The following PRR5 variants were observed in gnomAD, a reference collection of about 807,000 sequenced individuals.
PRR5 encodes proline rich 5.
Under a neutral mutation model 30.6 loss-of-function variants are expected in PRR5, and 25 were observed. That is an observed-to-expected ratio of 0.82 (90% CI 0.60 to 1.14). The LOEUF (loss-of-function observed/expected upper bound fraction) is 1.14. Among genes scored for constraint, PRR5 ranks in the 50% most tolerant of loss-of-function variants. The probability of loss-of-function intolerance (pLI) is 0.00; values close to 1 mark genes in which losing one functional copy is unlikely to be tolerated. For missense variants in PRR5, 600 were observed against 547.1 expected (o/e 1.10, Z -0.96); for synonymous variants, 286 against 247.1 (o/e 1.16, Z -1.48).
At chr22:44,694,726 G>A (rs1925593968) in intron 1 of PRR5, among the ~76,000 whole-genome samples, 1 of 152,154 alleles carries the variant, frequency 6.6e-6, no homozygotes, top group African/African-American at 2.4e-5. Flanking sequence ...ATAGCTGCCT[G>A]CCTTGGAGTG....
chr22:44,684,048 C>T (rs879664338), intron 1 of PRR5, among the ~76,000 whole-genome samples: 1 of 152,186 alleles, frequency 6.6e-6, no homozygotes, highest in Non-Finnish European at 1.5e-5. Context: ...GTGTCGAAAC[C>T]AGGACTTCCA....
At chr22:44,732,220 G>A in intron 5 of PRR5, 31 bp from the exon 6 acceptor site, 1 of 1,606,796 alleles carries the variant, frequency 6.2e-7, no homozygotes, top group Non-Finnish European at 8.5e-7. Flanking sequence ...TGTGACCACA[G>A]CCGGTGGGGT....
At chr22:44,706,631 C>T (rs535925305) in intron 1 of PRR5, among the ~76,000 whole-genome samples, 70 of 152,282 alleles carry the variant, frequency 4.6e-4, no homozygotes, top group African/African-American at 1.4e-3. Flanking sequence ...CAGGCTCCAG[C>T]GATCCTCCCA....
At chr22:44,684,627 C>T (rs890417136) in intron 1 of PRR5, among the ~76,000 whole-genome samples, 8 of 152,240 alleles carry the variant, frequency 5.3e-5, no homozygotes, top group African/African-American at 1.7e-4. Flanking sequence ...CTCCTACCCG[C>T]GGTCCAACTG....
At chr22:44,733,212 G>A (rs574474012) in intron 6 of PRR5, among the ~76,000 whole-genome samples, 22 of 152,332 alleles carry the variant, frequency 1.4e-4, no homozygotes, top group East Asian at 7.7e-4. Flanking sequence ...GGCATCCACC[G>A]CAAGCCAGGG....
intron 1 of PRR5, among the ~76,000 whole-genome samples, chr22:44,695,815 G>C (rs1466279341): frequency 6.6e-6 from 1 of 151,522 alleles, no homozygotes; most frequent in East Asian, 1.9e-4. Flanking sequence ...TGACTAGGCT[G>C]GTCTCGAACC....
intron 1 of PRR5, among the ~76,000 whole-genome samples, chr22:44,694,685 A>G (rs9614560): frequency 0.093 from 14,159 of 152,188 alleles, 768 homozygotes; most frequent in Middle Eastern, 0.16. Context: ...CAGAGCCCCA[A>G]CTAACCCACC....
At position 44,691,477 on chromosome 22, in the gene PRR5, TGTGAAGA is replaced by T. The variant is rs910108624; in HGVS notation, c.-10-11012_-10-11006del. On this transcript the variant is annotated intron_variant, in intron 1 of 8. Transcript: ENST00000006251. The surrounding 1 kb of genome is among the most constrained non-coding windows in gnomAD (Gnocchi z 4.4). ...GCCTGGAGCTGACTCCTCCTGCCCC[TGTGAAGA>T]GTTGGGGCCCCTCCAGCGCCCCTGC... is the stretch of plus-strand genomic sequence containing the variant. Among the ~76,000 whole-genome samples, 345 of 152,156 alleles carry T rather than the reference TGTGAAGA, an allele frequency of 2.3e-3. 1 individual carries two copies. Among genetic ancestry groups the T allele is most frequent in the Non-Finnish European group, 1.9e-3 (129 of 67,968 alleles).
intron 1 of PRR5, chr22:44,679,832 C>G (rs963903734): frequency 7.5e-6 from 12 of 1,599,082 alleles, no homozygotes; most frequent in Middle Eastern, 1.7e-4. Flanking sequence ...AGAGGGAAGC[C>G]TGGGGCTCGG....
chr22:44,731,885 C>T, intron 5 of PRR5, 64 bp downstream of exon 5: 1 of 1,531,142 alleles, frequency 6.5e-7, no homozygotes, highest in Non-Finnish European at 8.9e-7. Flanking sequence ...TGGCCTCACT[C>T]TACAGAGGGG....
At position 44,691,774 on chromosome 22, in the gene PRR5, CA is replaced by C. The variant is rs888883684; in HGVS notation, c.-10-10707del. Reference sequence around the variant, plus strand: ...GCGCGACGGGAGCAAGACTCCATCTCAAAAAAAAAAAGACACTGAAATCCAC... The same window carrying C: ...GCGCGACGGGAGCAAGACTCCATCTCAAAAAAAAAAGACACTGAAATCCAC... On this transcript the variant is annotated intron_variant, in intron 1 of 8. Transcript: ENST00000006251. This position sits in a 1 kb window ranked among gnomAD's most constrained non-coding sequence, Gnocchi z 4.4. Among the ~76,000 whole-genome samples the C allele has an allele frequency of 9.8e-4, 141 of 144,194 alleles. No homozygotes were observed. In the South Asian group the frequency reaches 0.012, roughly 13 times the overall value. 94.6% of individuals were successfully genotyped at this position (144,194 alleles called of 152,430 possible).
intron 3 of PRR5, 110 bp from the exon 4 acceptor site, chr22:44,726,467 C>G (rs1349703319): frequency 3.1e-5 from 47 of 1,510,112 alleles, no homozygotes; most frequent in African/African-American, 4.1e-5. Flanking sequence ...GTCTCCTCCC[C>G]CTTTAAGCCT....
rs747288609 is a variant in PRR5, at chr22:44,737,029, C to A, written c.949C>A (p.Pro317Thr). ...FRSSPAPHSG[P>T]CPSRLYPTTQ... ...GTCCTCCCCGGCGCCCCACTCAGGG[C>A]CCTGCCCCAGCAGACTGTACCCCAC... Residue 317 changes from proline to threonine, a missense_variant, in exon 8 of 8, where the codon CCC (proline) becomes ACC (threonine). Coordinates refer to ENST00000336985, the MANE Select transcript of PRR5 (RefSeq NM_181333.4). 8.7e-6 allele frequency: 14 copies of A among 1,602,610 alleles called. No individual in the cohort carries two copies. In the African/African-American group the frequency reaches 1.9e-4, roughly 21 times the overall value.
intron 1 of PRR5, among the ~76,000 whole-genome samples, chr22:44,669,722 C>T (rs1923313461): frequency 6.6e-6 from 1 of 152,224 alleles, no homozygotes; most frequent in Admixed American, 6.5e-5. Flanking sequence ...AAGCGGCCTC[C>T]ACTTCCCTAC....
upstream of PRR5, among the ~76,000 whole-genome samples, chr22:44,676,261 T>C (rs1435898421): frequency 6.6e-6 from 1 of 150,908 alleles, no homozygotes; most frequent in Admixed American, 6.6e-5. Context: ...CATGGTGGCA[T>C]GCACTTGTGG....
upstream of PRR5, among the ~76,000 whole-genome samples, chr22:44,700,550 C>G (rs1166619114): frequency 2.0e-5 from 3 of 152,148 alleles, no homozygotes; most frequent in African/African-American, 7.2e-5. Flanking sequence ...TGCTTGAACC[C>G]AGGAGGTAGA....
At position 44,717,309 on chromosome 22, in the gene PRR5, G is replaced by A. The variant is rs527398177; in HGVS notation, c.215+2638G>A. ...CGGGTTCAAGCGATTCTCCTGCCTC[G>A]GCCTCCTGAGTAGCTGGGATTACAG... On this transcript the variant is annotated intron_variant, in intron 2 of 7. Transcript: ENST00000336985. 5.4e-5 allele frequency among the ~76,000 whole-genome samples: 8 copies of A among 149,396 alleles called. No individual in the cohort carries two copies. In the South Asian group the frequency reaches 6.4e-4, roughly 12 times the overall value.
chr22:44,689,267 A>C (rs1195453180), intron 1 of PRR5, among the ~76,000 whole-genome samples: 1 of 152,130 alleles, frequency 6.6e-6, no homozygotes, highest in East Asian at 1.9e-4. Flanking sequence ...TTAGTCTGCT[A>C]ACTCACGGGT....
intron 1 of PRR5, among the ~76,000 whole-genome samples, chr22:44,685,612 C>T (rs1924676921): frequency 6.6e-6 from 1 of 151,992 alleles, no homozygotes; most frequent in South Asian, 2.1e-4. Context: ...CCAGTGAAAG[C>T]CACACCCCTC....
Sources: gnomAD v4.1 joint callset for allele counts (sites outside exome capture counted in the v4.1 genomes callset) on GRCh38, gnomAD v4.1.1 for gene constraint, Gnocchi (gnomAD v3.1) non-coding constraint, MANE v1.5 for transcripts, NCBI Gene and HGNC (gene_info 2026-07-23, HGNC 2026-07-21) for gene names.